The following BSN variants were observed in gnomAD, a reference collection of about 807,000 sequenced individuals.
BSN encodes the protein protein bassoon.
A neutral mutation model predicts 264.8 loss-of-function variants in BSN; 57 were observed. That is an observed-to-expected ratio of 0.22 (90% CI 0.17 to 0.27). The LOEUF (loss-of-function observed/expected upper bound fraction) is 0.27, where lower values mean the gene tolerates loss of function less well. Ranked by LOEUF, BSN falls within the 10% of genes least tolerant of loss-of-function variation. The pLI is 1.00. For synonymous variants in BSN, 2,059 were observed against 2,137.3 expected (o/e 0.96, Z 1.01); for missense variants, 4,615 against 5,232.5 (o/e 0.88, Z 3.64).
At chr3:49,575,117 C>T (rs1312990456) in intron 1 of BSN, among the ~76,000 whole-genome samples, 3 of 151,954 alleles carry the variant, frequency 2.0e-5, no homozygotes, top group South Asian at 2.1e-4. Flanking sequence ...GATGCCAAGG[C>T]GGGCAGATCA....
intron 1 of BSN, among the ~76,000 whole-genome samples, chr3:49,622,102 G>A (rs959164507): frequency 1.3e-5 from 2 of 152,140 alleles, no homozygotes; most frequent in Non-Finnish European, 2.9e-5. Flanking sequence ...TGAGAAGTGG[G>A]CCTTGGGATT....
rs990830865 is a variant in BSN at position 49,554,588 on chromosome 3, G to C, written c.-15G>C. ...GCGCAGCGCGACCCCGACCCCGCCCGCCCGCCTGCCCGCCATGGGCAACGA... is the reference window on the plus strand; with the variant it reads ...GCGCAGCGCGACCCCGACCCCGCCCCCCCGCCTGCCCGCCATGGGCAACGA... On this transcript the variant is annotated 5_prime_UTR_variant, in exon 1 of 12. Transcript: ENST00000296452. 10 of 845,296 alleles carry C rather than the reference G, an allele frequency of 1.2e-5. No individual in the cohort carries two copies. In the South Asian group the frequency reaches 2.1e-4, roughly 17 times the overall value. 52.4% of individuals were successfully genotyped at this position (845,296 alleles called of 1,614,324 possible).
At chr3:49,612,221 C>T (rs778648018) in intron 1 of BSN, among the ~76,000 whole-genome samples, 18 of 151,646 alleles carry the variant, frequency 1.2e-4, no homozygotes, top group Admixed American at 1.1e-3. Context: ...CTGCAAGCTC[C>T]GCCTCCCGGG....
At chr3:49,601,203 GC>G (rs1249549710) in intron 1 of BSN, among the ~76,000 whole-genome samples, 1 of 152,188 alleles carries the variant, frequency 6.6e-6, no homozygotes, top group African/African-American at 2.4e-5. Context: ...AGTAGGGAGT[GC>G]CCTGGGCTCC....
At chr3:49,562,135 C>G (rs566682358) in intron 1 of BSN, among the ~76,000 whole-genome samples, 2 of 152,286 alleles carry the variant, frequency 1.3e-5, no homozygotes, top group Admixed American at 6.5e-5. Flanking sequence ...TTTATTCCTC[C>G]TATCTAACTG....
At chr3:49,606,170 AT>A (rs1400553010) in intron 1 of BSN, among the ~76,000 whole-genome samples, 24 of 30,390 alleles carry the variant, frequency 7.9e-4, no homozygotes, top group African/African-American at 2.6e-3. Flanking sequence ...ATATACATAT[AT>A]TATATATGTA....
intron 1 of BSN, among the ~76,000 whole-genome samples, chr3:49,567,399 G>A (rs2051760374): frequency 6.6e-6 from 1 of 152,194 alleles, no homozygotes; most frequent in African/African-American, 2.4e-5. Context: ...CCCAAACTCA[G>A]TAGCTTCAAA....
Position 49,656,288 on chromosome 3 carries a change from G to A in BSN, c.6732G>A (p.Val2244=). 1 of 1,613,186 alleles carries A rather than the reference G, an allele frequency of 6.2e-7. No homozygotes were observed. The highest frequency in any genetic ancestry group is 8.5e-7 in the Non-Finnish European group (1 of 1,179,902). ...TAVPLTSLTR[V]PMIAPRVPLG... ...TGCCACTCACCAGTCTGACACGTGT[G>A]CCCATGATTGCCCCCCGGGTACCTC... Residue 2244 remains valine (V), a synonymous_variant, in exon 5 of 12, where the codon GTG becomes GTA. Coordinates refer to ENST00000296452, the MANE Select transcript of BSN (RefSeq NM_003458.4).
chr3:49,605,508 TATATAATA>T (rs2052115037), intron 1 of BSN, among the ~76,000 whole-genome samples: 1 of 4,062 alleles, frequency 2.5e-4, no homozygotes, highest in African/African-American at 1.0e-3. Flanking sequence ...TAATATATAT[TATATAATA>T]TATATATAAT....
In BSN at chr3:49,663,832, C is replaced by G. The variant is rs2052687567; in HGVS notation, c.11554C>G (p.Pro3852Ala). 1 of 1,614,008 alleles carries G rather than the reference C, an allele frequency of 6.2e-7. No homozygotes were observed. Among genetic ancestry groups the G allele is most frequent in the South Asian group, 1.1e-5 (1 of 91,092 alleles). ...TGGCTCTAAAGGGACAGCCAAAGCA[C>G]CGCAACAGGGGAGGGCTCCTCAGGC... ...TNGSKGTAKA[P>A]QQGRAPQAQP... The change falls in exon 8 of 12, where the codon CCG becomes GCG. Residue 3852 changes from proline to alanine, a missense_variant. Around this residue, in one of 3 missense-constraint regions of BSN, gnomAD observed 3,415 missense variants for 3,866.4 expected, o/e 0.88. Coordinates refer to ENST00000296452, the MANE Select transcript of BSN (RefSeq NM_003458.4).
intron 1 of BSN, among the ~76,000 whole-genome samples, chr3:49,579,401 T>C (rs2051875890): frequency 6.6e-6 from 1 of 151,892 alleles, no homozygotes; most frequent in Admixed American, 6.6e-5. Context: ...TAGATGCGCT[T>C]TACAATTTTT....
At chr3:49,671,701 C>A (rs991554721), downstream of BSN, among the ~76,000 whole-genome samples, 12 of 152,230 alleles carry the variant, frequency 7.9e-5, no homozygotes, top group African/African-American at 2.7e-4. The surrounding 1 kb of genome is among the most constrained non-coding windows in gnomAD (Gnocchi z 4.1). Flanking sequence ...CCACACCAAG[C>A]CATCCAAAGA....
intron 1 of BSN, among the ~76,000 whole-genome samples, chr3:49,615,580 C>G (rs1389986456): frequency 6.6e-6 from 1 of 152,214 alleles, no homozygotes; most frequent in Non-Finnish European, 1.5e-5. Context: ...GGTACCTTCC[C>G]TCTCCAGCCA....
In BSN at chr3:49,658,026, C is replaced by T. The variant is rs200377581; in HGVS notation, c.8470C>T (p.Pro2824Ser). ...GAGGCTGAACAAAGCTCACGTGAGT[C>T]CCCAGAAGCACTTCACGGCTGACAG... ...SERLNKAHVS[P>S]QKHFTADSAL... Residue 2824 changes from proline (P) to serine (S), a missense_variant, in exon 5 of 12, where the codon CCC becomes TCC. Around this residue, in one of 3 missense-constraint regions of BSN, gnomAD observed 3,415 missense variants for 3,866.4 expected, o/e 0.88. Transcript: ENST00000296452. 9.9e-6 allele frequency: 16 copies of T among 1,613,624 alleles called. No homozygotes were observed. The highest frequency in any genetic ancestry group is 3.3e-4 in the Middle Eastern group (2 of 6,056).
Position 49,585,439 on chromosome 3 carries a change from G to A in BSN, c.224+30613G>A, listed in dbSNP as rs117305551. Among the ~76,000 whole-genome samples the A allele has an allele frequency of 2.9e-3, 447 of 152,202 alleles. 5 individuals carry two copies. Among genetic ancestry groups the A allele is most frequent in the East Asian group, 0.014 (70 of 5,172 alleles). On this transcript the variant is annotated intron_variant, in intron 1 of 11. Transcript: ENST00000296452. The surrounding 1 kb of genome is among the most constrained non-coding windows in gnomAD (Gnocchi z 4.7). The stretch of plus-strand genomic sequence containing the variant: ...CGGCGCTCCCTTCCCAGGCCGCAGC[G>A]GACAGACAGGGATTGGGTTTCGTGT...
intron 9 of BSN, 94 bp from the exon 10 acceptor site, chr3:49,664,705 T>A (rs1203892178): frequency 2.2e-5 from 35 of 1,567,824 alleles, no homozygotes; most frequent in Non-Finnish European, 3.0e-5. Flanking sequence ...TCTCTGCCCC[T>A]TGGGCTGAGC....
chr3:49,606,248 T>A (rs55908134), intron 1 of BSN, among the ~76,000 whole-genome samples: 19 of 12,036 alleles, frequency 1.6e-3, no homozygotes, highest in African/African-American at 3.1e-3. Context: ...TATGTATATA[T>A]TATATATAAA....
At position 49,650,965 on chromosome 3, in the gene BSN, A is replaced by C; in HGVS notation, c.1872A>C (p.Pro624=). ...TKAEPMPKPP[P]ETTPTPATPK... ...CTGAGCCCATGCCGAAGCCACCTCC[A>C]GAGACTACCCCAACCCCTGCGACTC... The change falls in exon 4 of 12, where the codon CCA becomes CCC. Residue 624 remains proline, a synonymous_variant. Coordinates refer to ENST00000296452, the MANE Select transcript of BSN (RefSeq NM_003458.4). The C allele has an allele frequency of 6.2e-7, 1 of 1,614,204 alleles. No homozygotes were observed. Among genetic ancestry groups the C allele is most frequent in the South Asian group, 1.1e-5 (1 of 91,084 alleles).
intron 1 of BSN, among the ~76,000 whole-genome samples, chr3:49,562,963 G>A (rs2051726034): frequency 6.6e-6 from 1 of 152,166 alleles, no homozygotes; most frequent in Non-Finnish European, 1.5e-5. Flanking sequence ...TTAACTAGAT[G>A]ATCTCCACAG....
Sources: gnomAD v4.1 joint callset for allele counts (sites outside exome capture counted in the v4.1 genomes callset) on GRCh38, gnomAD v4.1.1 for gene constraint, gnomAD v4.1.1 regional missense constraint, Gnocchi (gnomAD v3.1) non-coding constraint, MANE v1.5 for transcripts, NCBI Gene and HGNC (gene_info 2026-07-23, HGNC 2026-07-21) for gene names.